The following FCSK variants were observed in gnomAD, a reference collection of about 807,000 sequenced individuals.
FCSK encodes fucose kinase, also known as L-fucose kinase.
In FCSK, 123 loss-of-function variants were observed where a neutral mutation model predicts 122.5. The ratio of observed to expected loss-of-function variants is 1.00; its 90% CI spans 0.87 to 1.17. The LOEUF (loss-of-function observed/expected upper bound fraction) is 1.17. FCSK is among the 50% of genes most tolerant of loss of function. The probability of loss-of-function intolerance (pLI) is 0.00; values close to 1 mark genes in which losing one functional copy is unlikely to be tolerated. For missense variants in FCSK, 1,366 were observed against 1,450.4 expected, an observed-to-expected ratio of 0.94 and a Z score of 0.95; for synonymous variants, 620 against 625.5, an observed-to-expected ratio of 0.99 and a Z score of 0.13.
chr16:70,479,133 C>G, intron 22 of FCSK, 47 bp from the exon 23 acceptor site: 1 of 1,406,200 alleles, frequency 7.1e-7, no homozygotes, highest in Non-Finnish European at 1.0e-6. Flanking sequence ...CAGATGGGTG[C>G]TGAGTATCTT....
chr16:70,455,210 G>C (rs925280367), intron 1 of FCSK, among the ~76,000 whole-genome samples: 5 of 152,178 alleles, frequency 3.3e-5, no homozygotes, highest in African/African-American at 1.2e-4. Flanking sequence ...CATATGAAGA[G>C]TTCTTAGTAC....
chr16:70,476,844 A>G (rs1316650379), intron 20 of FCSK, among the ~76,000 whole-genome samples: 1 of 152,200 alleles, frequency 6.6e-6, no homozygotes, highest in African/African-American at 2.4e-5. Flanking sequence ...CATTTGGCCA[A>G]CGGAAAACTA....
chr16:70,472,046 T>G (rs1409354077), intron 13 of FCSK, among the ~76,000 whole-genome samples: 2 of 152,098 alleles, frequency 1.3e-5, no homozygotes, highest in African/African-American at 4.8e-5. Context: ...CGACCTCAAC[T>G]GATCTGCCTG....
chr16:70,479,484 T>C, intron 23 of FCSK, 81 bp downstream of exon 23: 8 of 1,480,978 alleles, frequency 5.4e-6, no homozygotes, highest in South Asian at 1.2e-5. Context: ...CCAGGGGCTA[T>C]ATCTGTAAGT....
intron 11 of FCSK, 83 bp from the exon 12 acceptor site, chr16:70,470,888 C>T: frequency 2.4e-6 from 3 of 1,257,504 alleles, no homozygotes; most frequent in South Asian, 2.8e-5. Flanking sequence ...GGACGCTTTG[C>T]CCCTGGATGC....
At chr16:70,475,271 G>T in intron 18 of FCSK, 79 bp from the exon 19 acceptor site, 1 of 1,533,426 alleles carries the variant, frequency 6.5e-7, no homozygotes, top group African/African-American at 1.4e-5. Flanking sequence ...CCCGCACTGG[G>T]CTGGGAAGTC....
intron 6 of FCSK, 34 bp downstream of exon 6, chr16:70,466,988 C>T (rs368981551): frequency 2.4e-5 from 38 of 1,593,906 alleles, no homozygotes; most frequent in African/African-American, 4.0e-5. Flanking sequence ...TGCCTTCCTT[C>T]GTCACAGCCA....
At chr16:70,465,036 TG>T in intron 3 of FCSK, 89 bp from the exon 4 acceptor site, 1 of 1,576,396 alleles carries the variant, frequency 6.3e-7, no homozygotes, top group Non-Finnish European at 8.6e-7. Flanking sequence ...TGAGTGGATT[TG>T]TGTTGGAGTC....
intron 20 of FCSK, chr16:70,476,471 T>G (rs1225121492): frequency 7.8e-6 from 1 of 128,416 alleles, no homozygotes; most frequent in Non-Finnish European, 1.6e-5. Flanking sequence ...CCCCACCCCC[T>G]GGCCATATGG....
Position 70,471,287 on chromosome 16 carries a change from C to T in FCSK, c.1276C>T (p.His426Tyr). Reference protein sequence around the residue: ...ELRDLVLQGHHTRLHGSPGHA... With the variant: ...ELRDLVLQGHYTRLHGSPGHA... ...GCGTGACCTTGTCCTGCAGGGACACCACACGCGGCTACACGGCTCCCCGGG... is the reference window on the plus strand; with the variant it reads ...GCGTGACCTTGTCCTGCAGGGACACTACACGCGGCTACACGGCTCCCCGGG... Residue 426 changes from histidine to tyrosine, a missense_variant, in exon 13 of 24, where the codon CAC (histidine) becomes TAC (tyrosine). Transcript: ENST00000288078. 2.5e-6 allele frequency: 4 copies of T among 1,607,326 alleles called. No individual in the cohort carries two copies. Among genetic ancestry groups the T allele is most frequent in the Non-Finnish European group, 3.4e-6 (4 of 1,177,628 alleles).
chr16:70,472,523 C>A lies in FCSK; in HGVS notation c.1342-18C>A, dbSNP rs1419009561. 6.2e-7 allele frequency: 1 copy of A among 1,607,836 alleles called. No individual in the cohort carries two copies. The highest frequency in any genetic ancestry group is 8.5e-7 in the Non-Finnish European group (1 of 1,176,324). ...CCTGTGGCCCCTGCAGCCCTGACTGCTTCTTCCTCTCCCCCAGAGACAGGG... is the reference window on the plus strand; with the variant it reads ...CCTGTGGCCCCTGCAGCCCTGACTGATTCTTCCTCTCCCCCAGAGACAGGG... On this transcript the variant is annotated intron_variant, in intron 13 of 23. Coordinates refer to ENST00000288078, the MANE Select transcript of FCSK (RefSeq NM_145059.3).
chr16:70,478,506 G>C, intron 21 of FCSK, 45 bp from the exon 22 acceptor site: 3 of 1,613,080 alleles, frequency 1.9e-6, no homozygotes, highest in Non-Finnish European at 2.5e-6. Flanking sequence ...GGGCCTGCCA[G>C]CTGGGCCTGG....
At chr16:70,465,678 G>T (rs1030683476) in intron 4 of FCSK, among the ~76,000 whole-genome samples, 2 of 152,120 alleles carry the variant, frequency 1.3e-5, no homozygotes, top group African/African-American at 4.8e-5. Context: ...GGGCGCAGTG[G>T]CTCACATCTG....
At chr16:70,476,649 C>T (rs994687220) in intron 20 of FCSK, among the ~76,000 whole-genome samples, 3 of 152,178 alleles carry the variant, frequency 2.0e-5, no homozygotes, top group African/African-American at 7.2e-5. Context: ...GTCTCCAGCA[C>T]ACCCCTGGAA....
chr16:70,479,702 G>A lies in FCSK; in HGVS notation c.*22G>A. The A allele has an allele frequency of 1.3e-6, 2 of 1,595,832 alleles. No individual in the cohort carries two copies. Among genetic ancestry groups the A allele is most frequent in the Non-Finnish European group, 8.6e-7 (1 of 1,164,774 alleles). On this transcript the variant is annotated 3_prime_UTR_variant, in exon 24 of 24. Coordinates refer to ENST00000288078, the MANE Select transcript of FCSK (RefSeq NM_145059.3). ...ATGAAGCTGGCTTCTCTCTGCAACA[G>A]GAGAAAACCTGGAGCTACAGTGTCC... is the stretch of plus-strand genomic sequence containing the variant.
chr16:70,475,855 G>T (rs779418823), intron 20 of FCSK, 88 bp downstream of exon 20: 3 of 1,352,396 alleles, frequency 2.2e-6, no homozygotes, highest in Non-Finnish European at 2.9e-6. Context: ...ATTTGCATGT[G>T]ATTGGCCAAC....
At chr16:70,471,842 G>A (rs1330465695) in intron 13 of FCSK, among the ~76,000 whole-genome samples, 1 of 133,920 alleles carries the variant, frequency 7.5e-6, no homozygotes, top group African/African-American at 3.1e-5. Context: ...GACTCACTCT[G>A]TCTCCCAGGC....
rs370987850 is a variant in FCSK, at chr16:70,468,960, C to A, written c.775C>A (p.Pro259Thr). The change falls in exon 9 of 24, where the codon CCT (proline) becomes ACT (threonine). Residue 259 changes from proline (P) to threonine (T), a missense_variant. Physicochemically the swap from Pro to Thr is conservative, Grantham distance 38. Coordinates refer to ENST00000288078, the MANE Select transcript of FCSK (RefSeq NM_145059.3). ...CCTAGGCTTGGACTCCGGAGCCCGGCCTGTCCAGGTGACTGGGGGAGGGCA... is the reference window on the plus strand; with the variant it reads ...CCTAGGCTTGGACTCCGGAGCCCGGACTGTCCAGGTGACTGGGGGAGGGCA... ...TYLGLDSGARPVQLSLFFDIL... is the reference protein window; with the variant it reads ...TYLGLDSGARTVQLSLFFDIL... 264 of 1,613,114 alleles carry A rather than the reference C, an allele frequency of 1.6e-4. No homozygotes were observed. The highest frequency in any genetic ancestry group is 2.1e-4 in the Non-Finnish European group (252 of 1,180,016).
At chr16:70,467,781 C>A in intron 7 of FCSK, 105 bp from the exon 8 acceptor site, 1 of 946,762 alleles carries the variant, frequency 1.1e-6, no homozygotes, top group East Asian at 2.4e-5. Flanking sequence ...AGCCTTGCGT[C>A]CTCAGCTTTC....
Sources: gnomAD v4.1 joint callset for allele counts (sites outside exome capture counted in the v4.1 genomes callset) on GRCh38, gnomAD v4.1.1 for gene constraint, MANE v1.5 for transcripts, NCBI Gene and HGNC (gene_info 2026-07-23, HGNC 2026-07-21) for gene names.